The following SUGCT variants were observed in gnomAD, a reference collection of about 807,000 sequenced individuals.
SUGCT encodes the protein succinyl-CoA:glutarate-CoA transferase.
A neutral mutation model predicts 55.0 loss-of-function variants in SUGCT; 41 were observed. The observed-to-expected ratio is 0.74, with a 90% CI of 0.58 to 0.97. The LOEUF (loss-of-function observed/expected upper bound fraction) is 0.97, where lower values mean the gene tolerates loss of function less well. Among genes scored for constraint, SUGCT ranks in the 50% least tolerant of loss-of-function variants. The probability of loss-of-function intolerance (pLI) is 0.00; values close to 1 mark genes in which losing one functional copy is unlikely to be tolerated. For synonymous variants in SUGCT, 187 were observed against 200.4 expected (o/e 0.93, Z 0.56); for missense variants, 568 against 547.8 (o/e 1.04, Z -0.37).
chr7:40,531,911 T>C (rs184745838), intron 12 of SUGCT, among the ~76,000 whole-genome samples: 32 of 152,302 alleles, frequency 2.1e-4, no homozygotes, highest in Non-Finnish European at 3.7e-4. Context: ...CCTGACCTCA[T>C]GATCCGCCTG....
the SUGCT span, among the ~76,000 whole-genome samples, chr7:40,929,604 A>C: frequency 3.3e-5 from 5 of 152,092 alleles, no homozygotes; most frequent in African/African-American, 4.8e-5. Context: ...CTTTTTAATG[A>C]TTGCCATTCT....
At chr7:40,869,671 ATT>A in the SUGCT span, among the ~76,000 whole-genome samples, 7 of 150,680 alleles carry the variant, frequency 4.6e-5, no homozygotes, top group Non-Finnish European at 1.0e-4. Context: ...CACGAATGTC[ATT>A]TTTTTTTTCT....
chr7:40,465,706 T>A (rs1178675280), intron 11 of SUGCT, among the ~76,000 whole-genome samples: 1 of 152,164 alleles, frequency 6.6e-6, no homozygotes, highest in Non-Finnish European at 1.5e-5. Context: ...TACAAAATAC[T>A]GGAGAATTGG....
intron 12 of SUGCT, among the ~76,000 whole-genome samples, chr7:40,545,844 A>T (rs1452950688): frequency 6.6e-6 from 1 of 152,176 alleles, no homozygotes; most frequent in Non-Finnish European, 1.5e-5. Context: ...GAACTGTGTG[A>T]TGGGGATGAA....
At chr7:40,573,501 G>A (rs955940387) in intron 12 of SUGCT, among the ~76,000 whole-genome samples, 1 of 151,804 alleles carries the variant, frequency 6.6e-6, no homozygotes, top group African/African-American at 2.4e-5. Context: ...ACACACATAC[G>A]CTCATGCACA....
chr7:40,890,879 A>G, the SUGCT span, among the ~76,000 whole-genome samples: 2 of 152,236 alleles, frequency 1.3e-5, no homozygotes, highest in African/African-American at 2.4e-5. Context: ...AAAGAAGTTC[A>G]GTGAGATACA....
At chr7:40,391,229 A>G (rs977138405) in intron 9 of SUGCT, among the ~76,000 whole-genome samples, 1 of 152,208 alleles carries the variant, frequency 6.6e-6, no homozygotes, top group African/African-American at 2.4e-5. Context: ...CAAGGGAAGG[A>G]CTTCATGACT....
intron 9 of SUGCT, among the ~76,000 whole-genome samples, chr7:40,419,719 A>G (rs1039808597): frequency 1.3e-5 from 2 of 152,206 alleles, no homozygotes; most frequent in African/African-American, 4.8e-5. Flanking sequence ...TCCCAGAGAT[A>G]GTGGGGGAAA....
intron 9 of SUGCT, among the ~76,000 whole-genome samples, chr7:40,413,056 A>C (rs944304428): frequency 3.3e-5 from 5 of 152,156 alleles, no homozygotes; most frequent in Admixed American, 6.6e-5. Flanking sequence ...GTATTTGCCC[A>C]AAAATAACAT....
intron 11 of SUGCT, among the ~76,000 whole-genome samples, chr7:40,487,078 C>CTTTTTTTTTTTTTTTTTTTTT (rs745766266): frequency 1.1e-5 from 1 of 93,938 alleles, no homozygotes. Context: ...TGATTTCAAT[C>CTTTTTTTTTTTTTTTTTTTTT]TTTTTTTTTT....
chr7:41,015,132 A>C, the SUGCT span, among the ~76,000 whole-genome samples: 1 of 152,204 alleles, frequency 6.6e-6, no homozygotes, highest in Non-Finnish European at 1.5e-5. Flanking sequence ...TCCAGTGGTC[A>C]TAGGAAGAGT....
the SUGCT span, chr7:40,965,968 T>A: frequency 6.6e-6 from 1 of 152,188 alleles, no homozygotes; most frequent in East Asian, 1.9e-4. Context: ...GGTTTCAGGG[T>A]GTTTCCCCCG....
chr7:40,704,314 T>G (rs1171784128), intron 12 of SUGCT, among the ~76,000 whole-genome samples: 1 of 152,186 alleles, frequency 6.6e-6, no homozygotes, highest in African/African-American at 2.4e-5. Context: ...TTTGTGAGGA[T>G]TATCAGCAGT....
At chr7:41,003,658 C>T in the SUGCT span, among the ~76,000 whole-genome samples, 1 of 152,134 alleles carries the variant, frequency 6.6e-6, no homozygotes, top group Non-Finnish European at 1.5e-5. Context: ...TTCAGCCCAG[C>T]CCACCCTATA....
chr7:40,907,017 C>G, the SUGCT span, among the ~76,000 whole-genome samples: 1 of 151,872 alleles, frequency 6.6e-6, no homozygotes, highest in Non-Finnish European at 1.5e-5. Context: ...TTCTTTGTCT[C>G]CATAATAGGA....
At chr7:40,756,629 C>T (rs1288677874) in intron 13 of SUGCT, among the ~76,000 whole-genome samples, 1 of 152,108 alleles carries the variant, frequency 6.6e-6, no homozygotes, top group Non-Finnish European at 1.5e-5. Flanking sequence ...AAAGCTGTCA[C>T]AAATCTCACT....
At chr7:40,959,737 C>T in the SUGCT span, among the ~76,000 whole-genome samples, 89 of 151,500 alleles carry the variant, frequency 5.9e-4, no homozygotes, top group Middle Eastern at 3.4e-3. Flanking sequence ...AAAACTCCTA[C>T]AGCTAGCTTG....
In SUGCT at chr7:40,621,553, A is replaced by G. The variant is rs146398223; in HGVS notation, c.1089+125167A>G. Among the ~76,000 whole-genome samples, 5 of 152,300 alleles carry G rather than the reference A, an allele frequency of 3.3e-5. No homozygotes were observed. In the East Asian group the frequency reaches 9.7e-4, roughly 29 times the overall value. On this transcript the variant is annotated intron_variant, in intron 12 of 13. Coordinates refer to ENST00000335693, the MANE Select transcript of SUGCT (RefSeq NM_001193313.2). ...ACAGAGTAGGCTGGTGTCGGCCTGC[A>G]GATCAGCCCTGAGGCTGATCAGAAG...
the SUGCT span, among the ~76,000 whole-genome samples, chr7:40,913,954 A>G: frequency 6.6e-6 from 1 of 152,244 alleles, no homozygotes; most frequent in Non-Finnish European, 1.5e-5. Flanking sequence ...TCACCCACAC[A>G]AGAAAGGGAA....
Sources: allele counts gnomAD v4.1 joint callset (sites outside exome capture counted in the v4.1 genomes callset), GRCh38; gene constraint gnomAD v4.1.1; transcripts MANE v1.5; gene names NCBI Gene and HGNC (gene_info 2026-07-23, HGNC 2026-07-21).